The following UBR2 variants were observed in gnomAD, a reference collection of about 807,000 sequenced individuals.
The protein encoded by UBR2 is E3 ubiquitin-protein ligase UBR2.
A neutral mutation model predicts 247.9 loss-of-function variants in UBR2; 92 were observed. That is an observed-to-expected ratio of 0.37 (90% confidence interval 0.31 to 0.44). The LOEUF (loss-of-function observed/expected upper bound fraction) is 0.44, where lower values mean the gene tolerates loss of function less well. UBR2 is among the 20% of genes least tolerant of loss of function. The probability of loss-of-function intolerance (pLI) is 1.00; values close to 1 mark genes in which losing one functional copy is unlikely to be tolerated. For synonymous variants in UBR2, 672 were observed against 693.5 expected, an observed-to-expected ratio of 0.97 and a Z score of 0.49; for missense variants, 1,613 against 2,112.6, an observed-to-expected ratio of 0.76 and a Z score of 4.64.
At chr6:42,642,284 ATGT>A in intron 17 of UBR2, 129 bp from the exon 18 acceptor site, 1 of 653,130 alleles carries the variant, frequency 1.5e-6, no homozygotes, top group Non-Finnish European at 2.7e-6. Context: ...TACTAAGATA[ATGT>A]TAATTGTTAG....
intron 11 of UBR2, among the ~76,000 whole-genome samples, chr6:42,630,150 G>GTAGTAT (rs1302644655): frequency 6.8e-6 from 1 of 147,612 alleles, no homozygotes; most frequent in Non-Finnish European, 1.5e-5. Flanking sequence ...AGTAGTAGTA[G>GTAGTAT]TAGTAGTAGT....
intron 43 of UBR2, among the ~76,000 whole-genome samples, chr6:42,684,563 A>G (rs555544122): frequency 1.3e-5 from 2 of 151,750 alleles, no homozygotes; most frequent in East Asian, 1.9e-4. Flanking sequence ...CAGCCTGGGC[A>G]CAGAGCTAGA....
intron 26 of UBR2, among the ~76,000 whole-genome samples, chr6:42,656,662 A>G (rs1400193237): frequency 2.0e-5 from 3 of 152,230 alleles, no homozygotes; most frequent in Non-Finnish European, 4.4e-5. Flanking sequence ...GATAACTGTG[A>G]GAATTATACT....
intron 42 of UBR2, among the ~76,000 whole-genome samples, 200 bp downstream of exon 42, chr6:42,680,032 G>C (rs1002030006): frequency 1.8e-4 from 28 of 152,128 alleles, no homozygotes; most frequent in African/African-American, 6.3e-4. Flanking sequence ...TTGAGACTGA[G>C]TCTTGCTCTG....
chr6:42,655,625 T>C lies in UBR2; in HGVS notation c.2774T>C (p.Leu925Ser). Reference protein sequence around the residue: ...AWSESMLQRVLHLIGMALQEE... With the variant: ...AWSESMLQRVSHLIGMALQEE... ...GTTACAAAACATTTATTCAAGGTGT[T>C]ACATTTAATTGGCATGGCACTACAA... Residue 925 changes from leucine to serine, a missense_variant, in exon 26 of 47, where the codon TTA becomes TCA. Leu to Ser is a moderately radical substitution (Grantham distance 145). Around this residue, in one of 3 missense-constraint regions of UBR2, gnomAD observed 1,524 missense variants for 1,967.3 expected, o/e 0.77. Coordinates refer to ENST00000372901, the MANE Select transcript of UBR2 (RefSeq NM_001363705.2). 1 of 1,545,042 alleles carries C rather than the reference T, an allele frequency of 6.5e-7. No individual in the cohort carries two copies. The highest frequency in any genetic ancestry group is 8.7e-7 in the Non-Finnish European group (1 of 1,154,826).
At chr6:42,594,948 A>G (rs1792875125) in intron 4 of UBR2, among the ~76,000 whole-genome samples, 1 of 152,190 alleles carries the variant, frequency 6.6e-6, no homozygotes, top group Non-Finnish European at 1.5e-5. Flanking sequence ...ACTTAACTGT[A>G]ATTATACAAT....
chr6:42,616,180 A>G (rs1794535095), intron 10 of UBR2, 90 bp downstream of exon 10: 1 of 751,600 alleles, frequency 1.3e-6, no homozygotes, highest in Non-Finnish European at 2.1e-6. Context: ...AACATCTAAT[A>G]GTAATATGTC....
At chr6:42,616,179 T>C (rs1032300428) in intron 10 of UBR2, 89 bp downstream of exon 10, 1 of 749,734 alleles carries the variant, frequency 1.3e-6, no homozygotes, top group South Asian at 2.1e-5. Context: ...TAACATCTAA[T>C]AGTAATATGT....
At chr6:42,589,194 C>T (rs1792497178) in intron 2 of UBR2, among the ~76,000 whole-genome samples, 1 of 152,156 alleles carries the variant, frequency 6.6e-6, no homozygotes, top group Non-Finnish European at 1.5e-5. Flanking sequence ...TGGTCTAACT[C>T]CTGGCTTCAA....
intron 15 of UBR2, among the ~76,000 whole-genome samples, chr6:42,638,605 T>C (rs1449134548): frequency 6.6e-6 from 1 of 152,192 alleles, no homozygotes; most frequent in Non-Finnish European, 1.5e-5. Flanking sequence ...TTTTTATAAG[T>C]GTTTTGAGCA....
At position 42,616,033 on chromosome 6, in the gene UBR2, G is replaced by T. The variant is rs1245597449; in HGVS notation, c.1125G>T (p.Met375Ile). The change falls in exon 10 of 47, where the codon ATG becomes ATT. Residue 375 changes from methionine (M) to isoleucine (I), a missense_variant. This residue lies in a region of UBR2 where 1,524 missense variants were observed against 1,967.3 expected (regional missense o/e 0.77). Coordinates refer to ENST00000372901, the MANE Select transcript of UBR2 (RefSeq NM_001363705.2). ...GGAGTGTATATCATCAGTTGTTCAT[G>T]AGCAGTCTGCTTATGGATTTGAAAT... ...GARSVYHQLF[M>I]SSLLMDLKYK... 5 of 1,606,462 alleles carry T rather than the reference G, an allele frequency of 3.1e-6. No individual in the cohort carries two copies. The highest frequency in any genetic ancestry group is 1.1e-5 in the South Asian group (1 of 89,120).
chr6:42,685,889 GAATAT>G (rs1799358856), intron 44 of UBR2, among the ~76,000 whole-genome samples: 2 of 151,530 alleles, frequency 1.3e-5, no homozygotes, highest in South Asian at 4.2e-4. Context: ...AAAAAAAGAA[GAATAT>G]AATAATGTAA....
chr6:42,647,479 C>G (rs988025158), intron 21 of UBR2, among the ~76,000 whole-genome samples: 31 of 150,476 alleles, frequency 2.1e-4, no homozygotes, highest in Non-Finnish European at 3.2e-4. Context: ...GCCTGTAATC[C>G]CAGCTACTTG....
In UBR2 at chr6:42,632,532, C is replaced by T; in HGVS notation, c.1282-20C>T. ...ACATAGTTTTTGATTACCATGCACT[C>T]TGATAAACTTTGTTTTTAGGCTCGA... On this transcript the variant is annotated intron_variant, in intron 11 of 46. Coordinates refer to ENST00000372901, the MANE Select transcript of UBR2 (RefSeq NM_001363705.2). 6.3e-7 allele frequency: 1 copy of T among 1,578,432 alleles called. No individual in the cohort carries two copies. The highest frequency in any genetic ancestry group is 8.6e-7 in the Non-Finnish European group (1 of 1,164,724).
At chr6:42,685,788 T>C (rs1486085152) in intron 44 of UBR2, among the ~76,000 whole-genome samples, 1 of 151,396 alleles carries the variant, frequency 6.6e-6, no homozygotes, top group Non-Finnish European at 1.5e-5. Flanking sequence ...GAGGTGGGAG[T>C]ATCACTCGAG....
intron 2 of UBR2, among the ~76,000 whole-genome samples, chr6:42,579,200 A>G (rs1369001279): frequency 6.6e-6 from 1 of 152,220 alleles, no homozygotes; most frequent in Non-Finnish European, 1.5e-5. Flanking sequence ...GCTTACAGTC[A>G]TGGCTGAAGG....
At chr6:42,643,422 C>T (rs1385905334) in intron 18 of UBR2, among the ~76,000 whole-genome samples, 2 of 151,952 alleles carry the variant, frequency 1.3e-5, no homozygotes, top group Admixed American at 6.6e-5. Context: ...ATGGTGAAAC[C>T]CTGTCTCTAC....
At chr6:42,652,918 T>A (rs1797207739) in intron 25 of UBR2, among the ~76,000 whole-genome samples, 1 of 152,226 alleles carries the variant, frequency 6.6e-6, no homozygotes, top group Non-Finnish European at 1.5e-5. Context: ...GATATTGATA[T>A]AATGTGTTAT....
At chr6:42,639,698 T>C (rs956601482) in intron 15 of UBR2, among the ~76,000 whole-genome samples, 1 of 152,236 alleles carries the variant, frequency 6.6e-6, no homozygotes, top group Non-Finnish European at 1.5e-5. Context: ...TGCTATACTT[T>C]AAATGGGAAC....
Sources: gnomAD v4.1 joint callset for allele counts (sites outside exome capture counted in the v4.1 genomes callset) on GRCh38, gnomAD v4.1.1 for gene constraint, gnomAD v4.1.1 regional missense constraint, MANE v1.5 for transcripts, NCBI Gene and HGNC (gene_info 2026-07-23, HGNC 2026-07-21) for gene names.